Variants in PTPRE observed in about 807,000 individuals in gnomAD.
PTPRE encodes the protein receptor-type tyrosine-protein phosphatase epsilon.
In PTPRE, 51 loss-of-function variants were observed where a neutral mutation model predicts 102.0. The ratio of observed to expected loss-of-function variants is 0.50; its 90% CI spans 0.40 to 0.63. The LOEUF is 0.63. PTPRE is among the 30% of genes least tolerant of loss of function. PTPRE has a pLI of 0.00. For synonymous variants in PTPRE, 345 were observed against 348.2 expected (o/e 0.99, Z 0.10); for missense variants, 752 against 915.1 (o/e 0.82, Z 2.30).
At chr10:127,961,066 T>C (rs528600391) in intron 1 of PTPRE, among the ~76,000 whole-genome samples, 32 of 151,236 alleles carry the variant, frequency 2.1e-4, no homozygotes, top group African/African-American at 7.5e-4. Flanking sequence ...TCACCCTTCC[T>C]CTCTGCTGTT....
intron 1 of PTPRE, among the ~76,000 whole-genome samples, chr10:127,981,844 T>C (rs1851649424): frequency 6.6e-6 from 1 of 151,808 alleles, no homozygotes; most frequent in African/African-American, 2.4e-5. Context: ...ATTAATTAAT[T>C]AATGGAATTG....
intron 1 of PTPRE, chr10:127,929,752 A>G (rs1487462189): frequency 1.3e-5 from 2 of 152,154 alleles, no homozygotes; most frequent in African/African-American, 4.8e-5. Flanking sequence ...CATATCCTCT[A>G]TGCCTTTAAA....
At chr10:127,939,937 CAGG>C (rs1261620483) in intron 1 of PTPRE, among the ~76,000 whole-genome samples, 1 of 149,436 alleles carries the variant, frequency 6.7e-6, no homozygotes, top group African/African-American at 2.5e-5. Flanking sequence ...CAGGAGGAGA[CAGG>C]AGGAGGCAGG....
At chr10:127,979,074 A>T (rs1314810024) in intron 1 of PTPRE, among the ~76,000 whole-genome samples, 3 of 152,220 alleles carry the variant, frequency 2.0e-5, no homozygotes, top group Admixed American at 2.0e-4. Flanking sequence ...GTCTTGCCTT[A>T]CCTACTAGGA....
At chr10:128,074,553 C>T (rs574899383) in intron 17 of PTPRE, among the ~76,000 whole-genome samples, 4 of 152,204 alleles carry the variant, frequency 2.6e-5, no homozygotes, top group South Asian at 2.1e-4. Context: ...GCAATCCCAG[C>T]TACTTGGGAG....
chr10:128,049,147 A>C (rs1848342267), intron 5 of PTPRE, among the ~76,000 whole-genome samples: 1 of 150,296 alleles, frequency 6.7e-6, no homozygotes, highest in African/African-American at 2.4e-5. Context: ...ACTCTTTCTT[A>C]TTTCCAAACC....
At position 128,070,396 on chromosome 10, in the gene PTPRE, C is replaced by T; in HGVS notation, c.1239C>T (p.Thr413=). Residue 413 remains threonine, a synonymous_variant, in exon 14 of 21, where the codon ACC becomes ACT. Coordinates refer to ENST00000254667, the MANE Select transcript of PTPRE (RefSeq NM_006504.6). This position sits in a 1 kb window ranked among gnomAD's most constrained non-coding sequence, Gnocchi z 4.8. ...CCTCCCTGGAGAAGCACCTGCAGAC[C>T]ATGCACGGCACCACCACCCACTTCG... ...DVSSLEKHLQ[T]MHGTTTHFDK... 6.2e-7 allele frequency: 1 copy of T among 1,614,152 alleles called. No individual in the cohort carries two copies. The highest frequency in any genetic ancestry group is 8.5e-7 in the Non-Finnish European group (1 of 1,180,018).
At chr10:128,068,100 T>C in intron 11 of PTPRE, 23 bp from the exon 12 acceptor site, 1 of 1,602,178 alleles carries the variant, frequency 6.2e-7, no homozygotes, top group Non-Finnish European at 8.5e-7. Flanking sequence ...TCACCCACTC[T>C]TGTCTCCCCG....
chr10:127,963,950 G>A (rs543083754), intron 1 of PTPRE, among the ~76,000 whole-genome samples: 2 of 152,238 alleles, frequency 1.3e-5, no homozygotes, highest in Admixed American at 1.3e-4. Flanking sequence ...TCTCCTTCAT[G>A]GAGAAGGAGT....
intron 3 of PTPRE, among the ~76,000 whole-genome samples, chr10:128,046,686 G>A (rs889071412): frequency 3.9e-5 from 6 of 152,164 alleles, no homozygotes; most frequent in African/African-American, 1.4e-4. Context: ...GGGTCCAAAG[G>A]TGGCAGCGAG....
intron 2 of PTPRE, among the ~76,000 whole-genome samples, chr10:128,001,849 G>A (rs886884328): frequency 2.6e-5 from 4 of 152,184 alleles, no homozygotes; most frequent in Non-Finnish European, 5.9e-5. Context: ...CTGGAGTAAG[G>A]GGCACTGGAA....
rs1291504003 is a variant in PTPRE at position 127,944,200 on chromosome 10, G to A, written c.-31+36891G>A. 6.6e-6 allele frequency among the ~76,000 whole-genome samples: 1 copy of A among 152,204 alleles called. No homozygotes were observed. The highest frequency in any genetic ancestry group is 1.5e-5 in the Non-Finnish European group (1 of 68,030). On this transcript the variant is annotated intron_variant, in intron 1 of 20. Coordinates refer to ENST00000254667, the MANE Select transcript of PTPRE (RefSeq NM_006504.6). The surrounding 1 kb of genome is among the most constrained non-coding windows in gnomAD (Gnocchi z 4.2). Reference sequence around the variant, plus strand: ...TCAGAGGGCCTGATAAGAATCCAGGGACCAGAACTGGGGTATAAAGTAGGA... The same window carrying A: ...TCAGAGGGCCTGATAAGAATCCAGGAACCAGAACTGGGGTATAAAGTAGGA...
intron 19 of PTPRE, among the ~76,000 whole-genome samples, chr10:128,078,355 G>A (rs1851411129): frequency 6.6e-6 from 1 of 152,240 alleles, no homozygotes; most frequent in Non-Finnish European, 1.5e-5. Flanking sequence ...AGCACGCCCA[G>A]GGGCAGATAC....
chr10:128,077,492 G>T (rs374303884), intron 18 of PTPRE, 125 bp from the exon 19 acceptor site: 4 of 1,228,490 alleles, frequency 3.3e-6, no homozygotes, highest in East Asian at 2.5e-5. Context: ...CCTCGGTGGG[G>T]ATGTTGGCAG....
At chr10:128,051,146 T>C (rs1425608834) in intron 6 of PTPRE, among the ~76,000 whole-genome samples, 1 of 152,196 alleles carries the variant, frequency 6.6e-6, no homozygotes, top group African/African-American at 2.4e-5. Context: ...CCCACCCTTC[T>C]CATCCCATTT....
At chr10:128,003,630 G>T (rs1252160819) in intron 2 of PTPRE, among the ~76,000 whole-genome samples, 1 of 152,148 alleles carries the variant, frequency 6.6e-6, no homozygotes, top group Non-Finnish European at 1.5e-5. Flanking sequence ...CAGTTCACGC[G>T]CGGACATCAG....
intron 2 of PTPRE, among the ~76,000 whole-genome samples, chr10:128,032,822 A>T (rs903051675): frequency 3.3e-5 from 5 of 152,306 alleles, no homozygotes; most frequent in Admixed American, 3.3e-4. Flanking sequence ...AAACAGTCTG[A>T]ACTCTCTTCT....
At chr10:127,998,821 C>T (rs1853563451) in intron 2 of PTPRE, 1 of 151,626 alleles carries the variant, frequency 6.6e-6, no homozygotes, top group Non-Finnish European at 1.5e-5. Context: ...TCAACCCATA[C>T]AATGTGAAAA....
intron 1 of PTPRE, among the ~76,000 whole-genome samples, chr10:127,920,267 C>T (rs376017731): frequency 1.7e-4 from 26 of 152,170 alleles, no homozygotes; most frequent in African/African-American, 5.8e-4. Flanking sequence ...GGAAAGCCTC[C>T]GTGAGAAGAG....
Sources: gnomAD v4.1 joint callset for allele counts (sites outside exome capture counted in the v4.1 genomes callset) on GRCh38, gnomAD v4.1.1 for gene constraint, Gnocchi (gnomAD v3.1) non-coding constraint, MANE v1.5 for transcripts, NCBI Gene and HGNC (gene_info 2026-07-23, HGNC 2026-07-21) for gene names.